Variants in COL4A4 observed in about 807,000 individuals in gnomAD.
COL4A4 encodes collagen alpha-4(IV) chain.
A neutral mutation model predicts 192.9 loss-of-function variants in COL4A4; 105 were observed. The observed-to-expected ratio is 0.54, with a 90% CI of 0.46 to 0.64. COL4A4 has a LOEUF of 0.64. COL4A4 is among the 30% of genes least tolerant of loss of function. The probability of loss-of-function intolerance (pLI) is 0.00; values close to 1 mark genes in which losing one functional copy is unlikely to be tolerated. For synonymous variants in COL4A4, 762 were observed against 769.9 expected (o/e 0.99, Z 0.17); for missense variants, 1,967 against 2,169.3 (o/e 0.91, Z 1.85).
chr2:227,134,334 G>A (rs1361136263), intron 4 of COL4A4, among the ~76,000 whole-genome samples: 4 of 152,160 alleles, frequency 2.6e-5, no homozygotes, highest in Non-Finnish European at 5.9e-5. Context: ...GAGAGTTCTT[G>A]GAGGAGGAAG....
intron 16 of COL4A4, 91 bp from the exon 17 acceptor site, chr2:227,101,648 A>T: frequency 2.3e-6 from 3 of 1,304,198 alleles, no homozygotes; most frequent in Non-Finnish European, 3.3e-6. Flanking sequence ...CACATTGCCC[A>T]CTGAGACCAT....
chr2:227,126,838 G>A (rs1054033967), intron 4 of COL4A4, among the ~76,000 whole-genome samples: 12 of 152,128 alleles, frequency 7.9e-5, no homozygotes, highest in Non-Finnish European at 1.8e-4. Flanking sequence ...ATTGTTTCAT[G>A]TAAAAGAATG....
chr2:227,031,969 G>A lies in COL4A4; in HGVS notation c.3793C>T (p.Pro1265Ser), dbSNP rs751062903. 5.0e-6 allele frequency: 8 copies of A among 1,612,950 alleles called. No individual in the cohort carries two copies. In the East Asian group the frequency reaches 1.3e-4, roughly 27 times the overall value. The change falls in exon 40 of 48, where the codon CCT becomes TCT. Residue 1265 changes from proline to serine, a missense_variant. Pro to Ser is a moderately conservative substitution (Grantham distance 74, BLOSUM62 -1). Transcript: ENST00000396625. ...PDPGPPGDQG[P>S]PGPDGPRGAP... is the part of the protein sequence containing the mutation. The stretch of plus-strand genomic sequence containing the variant: ...CCTCTTGGGCCATCAGGACCAGGAG[G>A]TCCCTGATCTCCAGGTGGACCCGGG...
chr2:227,121,931 G>A (rs1023198229), intron 4 of COL4A4, among the ~76,000 whole-genome samples: 20 of 152,178 alleles, frequency 1.3e-4, no homozygotes, highest in East Asian at 1.9e-4. Context: ...AAGGGAAACT[G>A]CCAGATCTTT....
At chr2:227,116,346 T>C (rs2061493170) in intron 7 of COL4A4, among the ~76,000 whole-genome samples, 1 of 152,192 alleles carries the variant, frequency 6.6e-6, no homozygotes, top group Admixed American at 6.5e-5. Context: ...AGGATCCATT[T>C]CTATGTTGAT....
rs1342990959 is a variant in COL4A4, at chr2:227,006,075, A to G, written c.*1250T>C. On this transcript the variant is annotated 3_prime_UTR_variant, in exon 48 of 48. Coordinates refer to ENST00000396625, the MANE Select transcript of COL4A4 (RefSeq NM_000092.5). Reference sequence around the variant, plus strand: ...ATGTCTTTAAAATTGGCAAAATGGGATGCTCCTGTAACAGCCAACCACGGG... The same window carrying G: ...ATGTCTTTAAAATTGGCAAAATGGGGTGCTCCTGTAACAGCCAACCACGGG... 1 of 152,672 alleles carries G rather than the reference A, an allele frequency of 6.5e-6. No individual in the cohort carries two copies. The highest frequency in any genetic ancestry group is 1.5e-5 in the Non-Finnish European group (1 of 68,046). 9.5% of individuals were successfully genotyped at this position (152,672 alleles called of 1,614,324 possible).
chr2:227,094,441 C>T (rs2060101792), intron 19 of COL4A4, 152 bp from the exon 20 acceptor site: 4 of 705,156 alleles, frequency 5.7e-6, no homozygotes, highest in South Asian at 3.7e-5. Flanking sequence ...GTGAAATAAG[C>T]CAGACACAGA....
chr2:227,026,972 G>C (rs79981790), intron 42 of COL4A4, among the ~76,000 whole-genome samples: 1 of 152,072 alleles, frequency 6.6e-6, no homozygotes, highest in Admixed American at 6.6e-5. Context: ...CAGTCTATGT[G>C]GGCCAAGCAC....
At chr2:227,036,418 C>G (rs1026668491) in intron 37 of COL4A4, among the ~76,000 whole-genome samples, 1 of 152,154 alleles carries the variant, frequency 6.6e-6, no homozygotes, top group African/African-American at 2.4e-5. Flanking sequence ...GCGACTTCTT[C>G]CTGGTTTTAG....
At chr2:227,145,217 G>A (rs572841002) in intron 2 of COL4A4, among the ~76,000 whole-genome samples, 1 of 152,266 alleles carries the variant, frequency 6.6e-6, no homozygotes, top group Admixed American at 6.5e-5. Context: ...GGAGGCCGAG[G>A]TGGGCGGATC....
At chr2:227,041,862 GAAAGAAAGAAAGAAAGAA>G (rs1971394896) in intron 37 of COL4A4, among the ~76,000 whole-genome samples, 1 of 118,332 alleles carries the variant, frequency 8.5e-6, no homozygotes, top group East Asian at 2.6e-4. Flanking sequence ...AAGAAAGAAA[GAAAGAAAGAAAGAAAGAA>G]AGAAAGAAAG....
downstream of COL4A4, among the ~76,000 whole-genome samples, chr2:227,000,120 T>C (rs1575643758): frequency 2.0e-5 from 3 of 152,210 alleles, no homozygotes; most frequent in East Asian, 5.8e-4. Flanking sequence ...TGCATATCCT[T>C]AGTAGCAGAT....
chr2:227,046,043 C>CATATATACTATCTAAATATATATATGT (rs1553636021), intron 35 of COL4A4, among the ~76,000 whole-genome samples: 2 of 90,734 alleles, frequency 2.2e-5, no homozygotes, highest in Non-Finnish European at 4.1e-5. Context: ...TACATATATA[C>CATATATACTATCTAAATATATATATGT]ATATATACTA....
the COL4A4 span, among the ~76,000 whole-genome samples, chr2:226,987,833 C>T: frequency 1.3e-5 from 2 of 152,222 alleles, 1 homozygote; most frequent in African/African-American, 4.8e-5. Flanking sequence ...TGGGCTCCAA[C>T]CACCACTTAC....
At chr2:227,128,229 G>A (rs2062204157) in intron 4 of COL4A4, among the ~76,000 whole-genome samples, 1 of 152,112 alleles carries the variant, frequency 6.6e-6, no homozygotes, top group Non-Finnish European at 1.5e-5. Flanking sequence ...TAGCACAATG[G>A]AGGGTTCATC....
chr2:227,109,405 A>T (rs754506661), intron 9 of COL4A4, 119 bp from the exon 10 acceptor site: 8 of 829,644 alleles, frequency 9.6e-6, no homozygotes, highest in Non-Finnish European at 1.7e-5. Context: ...CCACCAGCAC[A>T]TCTGCCCTGC....
At chr2:226,974,388 C>T in the COL4A4 span, among the ~76,000 whole-genome samples, 19 of 152,148 alleles carry the variant, frequency 1.2e-4, no homozygotes, top group Middle Eastern at 3.4e-3. Context: ...CAGGCGCCCA[C>T]CACTGGGCCT....
At chr2:227,033,292 G>T (rs1559458097) in intron 38 of COL4A4, 118 bp downstream of exon 38, 4 of 839,572 alleles carry the variant, frequency 4.8e-6, no homozygotes, top group East Asian at 2.6e-5. Flanking sequence ...ACCTAAGCCA[G>T]TTTTTTTCAG....
At chr2:227,091,015 A>T (rs1468099013) in intron 20 of COL4A4, among the ~76,000 whole-genome samples, 1 of 151,816 alleles carries the variant, frequency 6.6e-6, no homozygotes, top group Non-Finnish European at 1.5e-5. Flanking sequence ...AAACAGGATG[A>T]TTTGTCTAAA....
Sources: gnomAD v4.1 joint callset for allele counts (sites outside exome capture counted in the v4.1 genomes callset) on GRCh38, gnomAD v4.1.1 for gene constraint, MANE v1.5 for transcripts, NCBI Gene and HGNC (gene_info 2026-07-23, HGNC 2026-07-21) for gene names.